Variants in ERC2 observed in about 807,000 individuals in gnomAD.
The protein encoded by ERC2 is ERC protein 2.
ERC2 carries 42 observed loss-of-function variants against 114.8 expected under a neutral mutation model. That is an observed-to-expected ratio of 0.37 (90% CI 0.29 to 0.47). The LOEUF is 0.47. Ranked by LOEUF, ERC2 falls within the 20% of genes least tolerant of loss-of-function variation. The pLI is 0.99. For synonymous variants in ERC2, 454 were observed against 425.5 expected, an observed-to-expected ratio of 1.07 and a Z score of -0.82; for missense variants, 939 against 1,150.7, an observed-to-expected ratio of 0.82 and a Z score of 2.66.
chr3:55,818,731 C>T (rs985127928), intron 14 of ERC2, among the ~76,000 whole-genome samples: 12 of 152,226 alleles, frequency 7.9e-5, no homozygotes, highest in Admixed American at 6.5e-4. Context: ...TAGCACAATG[C>T]CTAGCATTCA....
At chr3:56,064,055 G>T (rs1296395104) in intron 7 of ERC2, among the ~76,000 whole-genome samples, 2 of 152,124 alleles carry the variant, frequency 1.3e-5, no homozygotes, top group Non-Finnish European at 2.9e-5. Flanking sequence ...ACTATGCCGT[G>T]AACAAGCCTG....
At chr3:55,915,930 C>T (rs1553731501) in intron 13 of ERC2, among the ~76,000 whole-genome samples, 1 of 152,046 alleles carries the variant, frequency 6.6e-6, no homozygotes. Flanking sequence ...GATTTTAAGA[C>T]AAAAAAATCA....
intron 13 of ERC2, among the ~76,000 whole-genome samples, chr3:55,927,828 A>T (rs2065839178): frequency 6.6e-6 from 1 of 151,962 alleles, no homozygotes; most frequent in Non-Finnish European, 1.5e-5. Flanking sequence ...AATTTTTTTT[A>T]GCTCCCACAA....
chr3:55,578,727 G>T (rs993425252), intron 17 of ERC2, among the ~76,000 whole-genome samples: 1 of 152,146 alleles, frequency 6.6e-6, no homozygotes, highest in Non-Finnish European at 1.5e-5. Context: ...TCTTGTCTTG[G>T]CTGGGCTCAC....
intron 14 of ERC2, among the ~76,000 whole-genome samples, chr3:55,827,559 G>A (rs1210635431): frequency 6.6e-6 from 1 of 152,140 alleles, no homozygotes; most frequent in Non-Finnish European, 1.5e-5. Context: ...CTGCACATGT[G>A]GGTAAAGATG....
chr3:56,343,145 G>A (rs2058155685), intron 2 of ERC2, among the ~76,000 whole-genome samples: 1 of 149,622 alleles, frequency 6.7e-6, no homozygotes. Flanking sequence ...CCTTTGGGCA[G>A]CCTTTTAGGA....
rs142029487 is a variant in ERC2 at position 56,231,504 on chromosome 3, T to C, written c.1075-57984A>G. 1.4e-3 allele frequency among the ~76,000 whole-genome samples: 218 copies of C among 152,312 alleles called. 1 individual carries two copies. Among genetic ancestry groups the C allele is most frequent in the African/African-American group, 5.1e-3 (211 of 41,578 alleles). On this transcript the variant is annotated intron_variant, in intron 3 of 17. Coordinates refer to ENST00000288221, the MANE Select transcript of ERC2 (RefSeq NM_015576.3). The stretch of plus-strand genomic sequence containing the variant: ...TGGCATTCCCTCAACCAACTATGCA[T>C]GTGGGGATAGCATCTAGACTGGCTA...
chr3:55,807,357 A>C (rs1448901500), intron 14 of ERC2, among the ~76,000 whole-genome samples: 2 of 152,198 alleles, frequency 1.3e-5, no homozygotes, highest in East Asian at 3.8e-4. Flanking sequence ...ATTTTAAGTC[A>C]TTGATTTCCC....
intron 17 of ERC2, among the ~76,000 whole-genome samples, chr3:55,636,342 G>A (rs1022453299): frequency 6.6e-6 from 1 of 152,144 alleles, no homozygotes; most frequent in South Asian, 2.1e-4. Flanking sequence ...TCCAGTCCTT[G>A]TTCTGCTCCT....
At chr3:56,274,016 G>C (rs1049572974) in intron 3 of ERC2, among the ~76,000 whole-genome samples, 1 of 152,184 alleles carries the variant, frequency 6.6e-6, no homozygotes, top group African/African-American at 2.4e-5. Context: ...TCTTGGTATA[G>C]ATGAGGAATT....
intron 2 of ERC2, among the ~76,000 whole-genome samples, chr3:56,360,960 G>C: frequency 6.6e-6 from 1 of 152,120 alleles, no homozygotes; most frequent in East Asian, 1.9e-4. Flanking sequence ...AGCCAGAAAA[G>C]AGGGAAATGG....
At position 56,166,206 on chromosome 3, in the gene ERC2, T is replaced by A. The variant is rs879226974; in HGVS notation, c.1149+7240A>T. Reference sequence around the variant, plus strand: ...GGATAACATGATTGATAGCCAAATATCAGTCCAACTTTGCATTCCTAAAAT... The same window carrying A: ...GGATAACATGATTGATAGCCAAATAACAGTCCAACTTTGCATTCCTAAAAT... On this transcript the variant is annotated intron_variant, in intron 4 of 17. Coordinates refer to ENST00000288221, the MANE Select transcript of ERC2 (RefSeq NM_015576.3). 1.8e-4 allele frequency among the ~76,000 whole-genome samples: 28 copies of A among 152,076 alleles called. 1 individual carries two copies. Among genetic ancestry groups the A allele is most frequent in the Admixed American group, 1.6e-3 (25 of 15,238 alleles).
chr3:55,752,119 T>G (rs979602796), intron 14 of ERC2, among the ~76,000 whole-genome samples: 4 of 152,148 alleles, frequency 2.6e-5, no homozygotes, highest in African/African-American at 9.7e-5. Flanking sequence ...TGTTTGACCT[T>G]CCTGGAAAGA....
At position 56,014,951 on chromosome 3, in the gene ERC2, T is replaced by C. The variant is rs370560997; in HGVS notation, c.1779+3943A>G. On this transcript the variant is annotated intron_variant, in intron 8 of 17. Coordinates refer to ENST00000288221, the MANE Select transcript of ERC2 (RefSeq NM_015576.3). Reference sequence around the variant, plus strand: ...AAAGAGAATATCTCTCCCCAAAAAGTCATCTTATTAAATATTCTTATAAGC... The same window carrying C: ...AAAGAGAATATCTCTCCCCAAAAAGCCATCTTATTAAATATTCTTATAAGC... Among the ~76,000 whole-genome samples the C allele has an allele frequency of 2.6e-5, 4 of 152,270 alleles. No homozygotes were observed. The East Asian group carries it at 7.7e-4, about 29-fold the overall frequency.
chr3:55,539,415 C>CTTTTTTTTTTTTTTTTTTTTTTTTTTTT lies in ERC2; in HGVS notation c.*40-28140_*40-28139insAAAAAAAAAAAAAAAAAAAAAAAAAAAA, dbSNP rs58749389. ...TCTCTCTCTCTCTCTTTTTTTCTTT[C>CTTTTTTTTTTTTTTTTTTTTTTTTTTTT]TTTTTTTTTTTTTTTTTTTTTTTTT... is the stretch of plus-strand genomic sequence containing the variant. On this transcript the variant is annotated intron_variant, in intron 17 of 17. Coordinates refer to ENST00000288221, the MANE Select transcript of ERC2 (RefSeq NM_015576.3). 3.9e-3 allele frequency among the ~76,000 whole-genome samples: 152 copies of CTTTTTTTTTTTTTTTTTTTTTTTTTTTT among 39,108 alleles called. 32 individuals are homozygous for CTTTTTTTTTTTTTTTTTTTTTTTTTTTT. The highest frequency in any genetic ancestry group is 9.2e-3 in the East Asian group (7 of 762). The allele number at this position is 39,108 out of a possible 152,430, so 25.7% of individuals were successfully genotyped here.
intron 15 of ERC2, among the ~76,000 whole-genome samples, chr3:55,733,506 T>A (rs2065406755): frequency 1.4e-5 from 2 of 139,586 alleles, no homozygotes; most frequent in Non-Finnish European, 1.6e-5. Flanking sequence ...TCTCTCTCTC[T>A]CTCATTCTCT....
rs544884728 is a variant in ERC2 at position 56,258,170 on chromosome 3, G to A, written c.1074+37849C>T. On this transcript the variant is annotated intron_variant, in intron 3 of 17. Coordinates refer to ENST00000288221, the MANE Select transcript of ERC2 (RefSeq NM_015576.3). ...AGATCCTAGACTCTAGGACCCTGCA[G>A]TGCACCTTTAAAACTCACTGACCAA... Among the ~76,000 whole-genome samples the A allele has an allele frequency of 1.1e-4, 16 of 152,290 alleles. No homozygotes were observed. The South Asian group carries it at 3.1e-3, about 30-fold the overall frequency.
chr3:56,284,807 A>G (rs1054470706), intron 3 of ERC2, among the ~76,000 whole-genome samples: 4 of 152,176 alleles, frequency 2.6e-5, no homozygotes, highest in South Asian at 2.1e-4. Context: ...CATGTGGTAT[A>G]TCAGATAAAA....
At chr3:55,959,344 T>C (rs2149463608) in intron 12 of ERC2, among the ~76,000 whole-genome samples, 1 of 152,318 alleles carries the variant, frequency 6.6e-6, no homozygotes, top group East Asian at 1.9e-4. Flanking sequence ...TAACACCACC[T>C]TAAATGTAAA....
Sources: allele counts gnomAD v4.1 joint callset (sites outside exome capture counted in the v4.1 genomes callset), GRCh38; gene constraint gnomAD v4.1.1; transcripts MANE v1.5; gene names NCBI Gene and HGNC (gene_info 2026-07-23, HGNC 2026-07-21).